Variants in CDK12 observed in about 807,000 individuals in gnomAD.
CDK12 encodes the protein cyclin-dependent kinase 12.
In CDK12, 17 loss-of-function variants were observed where a neutral mutation model predicts 133.8. The ratio of observed to expected loss-of-function variants is 0.13; its 90% confidence interval spans 0.09 to 0.19. The LOEUF (loss-of-function observed/expected upper bound fraction) is 0.19. CDK12 is among the 10% of genes least tolerant of loss of function. CDK12 has a pLI of 1.00. For synonymous variants in CDK12, 694 were observed against 683.6 expected (o/e 1.02, Z -0.24); for missense variants, 1,508 against 1,818.7 (o/e 0.83, Z 3.11).
In CDK12 at chr17:39,471,350, A is replaced by G; in HGVS notation, c.1518A>G (p.Ile506Met). The G allele has an allele frequency of 3.1e-6, 5 of 1,614,080 alleles. No homozygotes were observed. The highest frequency in any genetic ancestry group is 4.2e-6 in the Non-Finnish European group (5 of 1,179,996). ...AGGGAACAAGAGACTCTAAACCCAT[A>G]GCACTGAAAGAGGAGATTGTTACTC... ...KAQGTRDSKP[I>M]ALKEEIVTPK... is the part of the protein sequence containing the mutation. The change falls in exon 2 of 14, where the codon ATA becomes ATG. Residue 506 changes from isoleucine (I) to methionine (M), a missense_variant. By Grantham distance (10) the Ile-to-Met change is conservative. Transcript: ENST00000447079.
In CDK12 at chr17:39,490,599, G is replaced by C. The variant is rs781239470; in HGVS notation, c.1974G>C (p.Lys658Asn). The C allele has an allele frequency of 1.9e-5, 31 of 1,613,254 alleles. No individual in the cohort carries two copies. In the South Asian group the frequency reaches 3.4e-4, roughly 18 times the overall value. The part of the protein sequence containing the change: ...TLPSKPVKKE[K>N]EQRTRHLLTD... ...CTTCAAAACCTGTGAAGAAAGAGAAGGAACAGAGGACACGTCACTTACTCA... is the reference window on the plus strand; with the variant it reads ...CTTCAAAACCTGTGAAGAAAGAGAACGAACAGAGGACACGTCACTTACTCA... Residue 658 changes from lysine (K) to asparagine (N), a missense_variant, in exon 3 of 14, where the codon AAG becomes AAC. Lys to Asn is a moderately conservative substitution (Grantham distance 94). Transcript: ENST00000447079.
At chr17:39,498,965 T>G (rs1466942378) in intron 5 of CDK12, among the ~76,000 whole-genome samples, 1 of 4 alleles carries the variant, frequency 0.25, no homozygotes, top group Non-Finnish European at 0.25. Flanking sequence ...CTTTCTTTCT[T>G]TCTTTCTTTC....
Position 39,492,844 on chromosome 17 carries a change from A to G in CDK12, c.2202A>G (p.Gly734=), listed in dbSNP as rs759992915. Residue 734 remains glycine, a synonymous_variant, in exon 4 of 14, where the codon GGA becomes GGG. Coordinates refer to ENST00000447079, the MANE Select transcript of CDK12 (RefSeq NM_016507.4). ...AGTTTGACATTATTGGGATTATTGG[A>G]GAAGGAACCTATGGCCAAGTATATA... ...VDKFDIIGII[G]EGTYGQVYKA... The G allele has an allele frequency of 6.2e-5, 100 of 1,613,404 alleles. 1 individual carries two copies. In the Middle Eastern group the frequency reaches 9.9e-4, roughly 16 times the overall value.
At chr17:39,510,500 C>A (rs769970424) in intron 7 of CDK12, among the ~76,000 whole-genome samples, 1 of 152,084 alleles carries the variant, frequency 6.6e-6, no homozygotes, top group Admixed American at 6.6e-5. Flanking sequence ...TATCTGAAAG[C>A]GTTATCACTT....
chr17:39,488,389 T>G (rs1214851402), intron 2 of CDK12, among the ~76,000 whole-genome samples: 1 of 152,140 alleles, frequency 6.6e-6, no homozygotes, highest in East Asian at 1.9e-4. Flanking sequence ...TTGGACCCTT[T>G]TTCTTTAGAT....
At chr17:39,558,012 T>TA (rs2056225153) in intron 3 of CDK12, among the ~76,000 whole-genome samples, 1 of 152,236 alleles carries the variant, frequency 6.6e-6, no homozygotes, top group Non-Finnish European at 1.5e-5. Context: ...CAGTGCCTGA[T>TA]ACTCAGTAGG....
At chr17:39,486,249 G>T (rs1411868446) in intron 2 of CDK12, among the ~76,000 whole-genome samples, 2 of 126,294 alleles carry the variant, frequency 1.6e-5, no homozygotes, top group Admixed American at 9.2e-5. Flanking sequence ...ACTGCACCCT[G>T]CCTCTTTTTT....
intron 3 of CDK12, among the ~76,000 whole-genome samples, chr17:39,562,904 T>TG (rs1491152598): frequency 1.4e-5 from 1 of 69,290 alleles, no homozygotes; most frequent in Non-Finnish European, 2.5e-5. Context: ...TTTCTTTTCT[T>TG]TTTTTTTTTT....
At chr17:39,514,969 T>C (rs1467827438) in intron 8 of CDK12, among the ~76,000 whole-genome samples, 1 of 152,190 alleles carries the variant, frequency 6.6e-6, no homozygotes. Flanking sequence ...AATGGAATTA[T>C]ATAGTATATA....
chr17:39,508,916 A>G (rs891400142), intron 6 of CDK12, among the ~76,000 whole-genome samples: 1 of 149,606 alleles, frequency 6.7e-6, no homozygotes, highest in African/African-American at 2.5e-5. Flanking sequence ...AATCACTTGA[A>G]CCTGGGAGAT....
In CDK12 at chr17:39,520,117, A is replaced by G. The variant is rs778610788; in HGVS notation, c.3095+30A>G. 2.5e-6 allele frequency: 4 copies of G among 1,612,534 alleles called. No homozygotes were observed. In the South Asian group the frequency reaches 4.4e-5, roughly 18 times the overall value. ...GTGCTGGTAGCCATGTTGTGACCCT[A>G]AATCTTTCCCTGGGCCTTAGACGAT... On this transcript the variant is annotated intron_variant, in intron 11 of 13. Transcript: ENST00000447079.
downstream of CDK12, among the ~76,000 whole-genome samples, chr17:39,565,192 C>A (rs1034658540): frequency 2.0e-5 from 3 of 152,352 alleles, no homozygotes; most frequent in African/African-American, 7.2e-5. Context: ...CGGCTCACTG[C>A]AAGCTCTGCC....
intron 3 of CDK12, among the ~76,000 whole-genome samples, chr17:39,563,641 G>C (rs1388933940): frequency 3.3e-5 from 5 of 152,060 alleles, no homozygotes; most frequent in African/African-American, 4.8e-5. Flanking sequence ...GAGCAGTAAG[G>C]TGTGACGCGA....
chr17:39,525,776 T>G, intron 12 of CDK12, 88 bp from the exon 13 acceptor site: 1 of 901,270 alleles, frequency 1.1e-6, no homozygotes, highest in Non-Finnish European at 1.7e-6. Context: ...ATTTTTTGGA[T>G]ATTGTAAGTT....
At chr17:39,492,962 TAGCAA>T (rs1390311361) in intron 4 of CDK12, 72 bp downstream of exon 4, 1 of 1,290,266 alleles carries the variant, frequency 7.8e-7, no homozygotes, top group Non-Finnish European at 1.1e-6. Context: ...TAAGTGGATT[TAGCAA>T]AAGTAAATTC....
chr17:39,466,391 G>T (rs2049309596), intron 1 of CDK12, among the ~76,000 whole-genome samples: 1 of 150,788 alleles, frequency 6.6e-6, no homozygotes, highest in African/African-American at 2.4e-5. Flanking sequence ...GAGGCAGGCG[G>T]ATCACCTGAG....
chr17:39,517,505 C>G lies in CDK12; in HGVS notation c.2912C>G (p.Thr971Ser), dbSNP rs2146510905. ...GTTATCAAACTGCCCTACTTCAACA[C>G]CATGAAACCGAAGAAGCAATATCGA... is the stretch of plus-strand genomic sequence containing the variant. The part of the protein sequence containing the change: ...PDVIKLPYFN[T>S]MKPKKQYRRR... Residue 971 changes from threonine to serine, a missense_variant, in exon 10 of 14, where the codon ACC (threonine) becomes AGC (serine). Thr to Ser is a moderately conservative substitution (Grantham distance 58). Coordinates refer to ENST00000447079, the MANE Select transcript of CDK12 (RefSeq NM_016507.4). The G allele has an allele frequency of 3.1e-6, 5 of 1,613,504 alleles. No individual in the cohort carries two copies. The highest frequency in any genetic ancestry group is 4.2e-6 in the Non-Finnish European group (5 of 1,179,462).
chr17:39,468,744 G>A (rs571006577), intron 1 of CDK12, among the ~76,000 whole-genome samples: 2 of 151,872 alleles, frequency 1.3e-5, no homozygotes, highest in East Asian at 3.9e-4. Flanking sequence ...GAAAGTGTTG[G>A]GATTACAGGC....
chr17:39,493,202 T>G (rs2051789886), intron 4 of CDK12, among the ~76,000 whole-genome samples: 1 of 146,400 alleles, frequency 6.8e-6, no homozygotes, highest in Non-Finnish European at 1.5e-5. Context: ...AGGGTTCCAC[T>G]ATGTCGTCCA....
Sources: allele counts gnomAD v4.1 joint callset (sites outside exome capture counted in the v4.1 genomes callset), GRCh38; gene constraint gnomAD v4.1.1; transcripts MANE v1.5; gene names NCBI Gene and HGNC (gene_info 2026-07-23, HGNC 2026-07-21).